Variants in TMCC1 observed in about 807,000 individuals in gnomAD.
TMCC1 encodes transmembrane and coiled-coil domains protein 1.
In TMCC1, 15 loss-of-function variants were observed where a neutral mutation model predicts 52.4. The ratio of observed to expected loss-of-function variants is 0.29; its 90% CI spans 0.19 to 0.44. The LOEUF is 0.44. Ranked by LOEUF, TMCC1 falls within the 20% of genes least tolerant of loss-of-function variation. The probability of loss-of-function intolerance (pLI) is 1.00; values close to 1 mark genes in which losing one functional copy is unlikely to be tolerated. For missense variants in TMCC1, 503 were observed against 806.0 expected (o/e 0.62, Z 4.55); for synonymous variants, 279 against 301.9 (o/e 0.92, Z 0.79).
chr3:129,882,497 C>A (rs1268007790), intron 1 of TMCC1, among the ~76,000 whole-genome samples: 1 of 152,162 alleles, frequency 6.6e-6, no homozygotes, highest in Non-Finnish European at 1.5e-5. Context: ...TATGATCCAG[C>A]AATTCCACTT....
intron 4 of TMCC1, among the ~76,000 whole-genome samples, chr3:129,768,945 T>C (rs1199651049): frequency 2.0e-5 from 3 of 152,212 alleles, no homozygotes; most frequent in Non-Finnish European, 2.9e-5. Context: ...TCACTGGAGA[T>C]AGGCAGATAA....
In TMCC1 at chr3:129,828,399, T is replaced by C. The variant is rs1247475260; in HGVS notation, c.-21A>G. ...TCCATCAGTAGACTTAATATGCTTATTTGCAAACTCAAAAAAATTTTTTAA... is the reference window on the plus strand; with the variant it reads ...TCCATCAGTAGACTTAATATGCTTACTTGCAAACTCAAAAAAATTTTTTAA... On this transcript the variant is annotated 5_prime_UTR_variant, in exon 4 of 7. Coordinates refer to ENST00000393238, the MANE Select transcript of TMCC1 (RefSeq NM_001017395.5). The surrounding 1 kb of genome is among the most constrained non-coding windows in gnomAD (Gnocchi z 4.1). 1 of 1,595,754 alleles carries C rather than the reference T, an allele frequency of 6.3e-7. No homozygotes were observed. Among genetic ancestry groups the C allele is most frequent in the African/African-American group, 1.3e-5 (1 of 74,110 alleles).
intron 4 of TMCC1, among the ~76,000 whole-genome samples, chr3:129,699,219 C>G (rs1576490499): frequency 6.6e-6 from 1 of 152,120 alleles, no homozygotes; most frequent in Non-Finnish European, 1.5e-5. Context: ...CATTTTAAGT[C>G]ACAGGATGAG....
intron 4 of TMCC1, among the ~76,000 whole-genome samples, chr3:129,729,203 A>G (rs908446695): frequency 6.6e-6 from 1 of 151,888 alleles, no homozygotes; most frequent in African/African-American, 2.4e-5. Flanking sequence ...GAGAGTTCCA[A>G]TTGTTCTCTG....
rs984085531 is a variant in TMCC1 at position 129,650,627 on chromosome 3, A to G, written c.*854T>C. 1 of 152,588 alleles carries G rather than the reference A, an allele frequency of 6.6e-6. No individual in the cohort carries two copies. Among genetic ancestry groups the G allele is most frequent in the African/African-American group, 2.4e-5 (1 of 41,428 alleles). The allele number at this position is 152,588 out of a possible 1,614,324, so 9.5% of individuals were successfully genotyped here. ...TCCCAACCCTGTCCAAAAAAACCCA[A>G]TAATAATAATAACAATAATAAAAAA... On this transcript the variant is annotated 3_prime_UTR_variant, in exon 7 of 7. Coordinates refer to ENST00000393238, the MANE Select transcript of TMCC1 (RefSeq NM_001017395.5).
chr3:129,712,856 T>A (rs564050970), intron 4 of TMCC1, among the ~76,000 whole-genome samples: 33 of 152,172 alleles, frequency 2.2e-4, no homozygotes, highest in Admixed American at 3.9e-4. Context: ...CATTCTTGTT[T>A]TATAGATGAG....
intron 4 of TMCC1, among the ~76,000 whole-genome samples, chr3:129,683,485 C>T (rs2089173379): frequency 6.6e-6 from 1 of 152,136 alleles, no homozygotes; most frequent in African/African-American, 2.4e-5. Context: ...TATAGTACAC[C>T]CATGTCTGAT....
intron 4 of TMCC1, among the ~76,000 whole-genome samples, chr3:129,672,427 C>T (rs1213765573): frequency 1.3e-5 from 2 of 151,654 alleles, no homozygotes. Context: ...GTGAGACCCC[C>T]TCTCTACACA....
intron 2 of TMCC1, among the ~76,000 whole-genome samples, chr3:129,860,786 G>C (rs2060355043): frequency 1.3e-5 from 2 of 151,994 alleles, no homozygotes; most frequent in African/African-American, 2.4e-5. Flanking sequence ...TTTTAGTAGA[G>C]ATGGCGTTTC....
intron 4 of TMCC1, among the ~76,000 whole-genome samples, chr3:129,742,270 T>C (rs1227077613): frequency 6.6e-6 from 1 of 152,062 alleles, no homozygotes; most frequent in African/African-American, 2.4e-5. Flanking sequence ...AAGGACACCA[T>C]TAACAAAGTG....
chr3:129,712,239 A>G (rs2048757340), intron 4 of TMCC1, among the ~76,000 whole-genome samples: 1 of 152,076 alleles, frequency 6.6e-6, no homozygotes, highest in Admixed American at 6.6e-5. Flanking sequence ...TAATCACTCT[A>G]CCCAAAGTTA....
intron 4 of TMCC1, among the ~76,000 whole-genome samples, chr3:129,678,197 G>T (rs1190226628): frequency 6.6e-6 from 1 of 152,012 alleles, no homozygotes; most frequent in Non-Finnish European, 1.5e-5. Context: ...TGGGATTACA[G>T]GCATGAGCCA....
chr3:129,748,793 G>C (rs182396953), intron 4 of TMCC1, among the ~76,000 whole-genome samples: 1 of 151,942 alleles, frequency 6.6e-6, no homozygotes, highest in Non-Finnish European at 1.5e-5. Context: ...TCTTAAGCCC[G>C]GGAGTTGAAG....
intron 2 of TMCC1, among the ~76,000 whole-genome samples, chr3:129,862,651 CCACAGGGTCACA>C (rs1334598008): frequency 6.6e-6 from 1 of 152,164 alleles, no homozygotes; most frequent in Admixed American, 6.5e-5. Flanking sequence ...TAGGCCTCAT[CCACAGGGTCACA>C]CACAGCACAG....
At chr3:129,728,325 G>A (rs189301373) in intron 4 of TMCC1, among the ~76,000 whole-genome samples, 1 of 152,150 alleles carries the variant, frequency 6.6e-6, no homozygotes, top group African/African-American at 2.4e-5. Context: ...TTGCTCTGTC[G>A]CCTAGACTGG....
chr3:129,853,939 A>C (rs1416246985), intron 2 of TMCC1, among the ~76,000 whole-genome samples: 1 of 152,098 alleles, frequency 6.6e-6, no homozygotes, highest in Non-Finnish European at 1.5e-5. Context: ...ATATCTCCTA[A>C]ATATTCTTGA....
At chr3:129,850,179 C>T (rs549493047) in intron 2 of TMCC1, among the ~76,000 whole-genome samples, 1 of 152,298 alleles carries the variant, frequency 6.6e-6, no homozygotes, top group East Asian at 1.9e-4. Flanking sequence ...GTCCTATTCT[C>T]CTCTGTCCTT....
chr3:129,728,257 T>C (rs1427311370), intron 4 of TMCC1, among the ~76,000 whole-genome samples: 1 of 152,154 alleles, frequency 6.6e-6, no homozygotes, highest in East Asian at 1.9e-4. Flanking sequence ...TCAAGACAAA[T>C]AAATTGTCAC....
At chr3:129,699,653 C>T (rs576185498) in intron 4 of TMCC1, among the ~76,000 whole-genome samples, 1 of 152,318 alleles carries the variant, frequency 6.6e-6, no homozygotes, top group African/African-American at 2.4e-5. Context: ...TGCAAGAACC[C>T]TCTCTTGGGG....
Sources: gnomAD v4.1 joint callset for allele counts (sites outside exome capture counted in the v4.1 genomes callset) on GRCh38, gnomAD v4.1.1 for gene constraint, Gnocchi (gnomAD v3.1) non-coding constraint, MANE v1.5 for transcripts, NCBI Gene and HGNC (gene_info 2026-07-23, HGNC 2026-07-21) for gene names.